Variants in ATXN10 observed in about 807,000 individuals in gnomAD.
ATXN10 encodes ataxin-10.
ATXN10 carries 28 observed loss-of-function variants against 52.9 expected under a neutral mutation model. That is an observed-to-expected ratio of 0.53 (90% CI 0.39 to 0.73). ATXN10 has a LOEUF of 0.73. Among genes scored for constraint, ATXN10 ranks in the 30% least tolerant of loss-of-function variants. ATXN10 has a pLI of 0.00. For synonymous variants in ATXN10, 226 were observed against 221.5 expected (o/e 1.02, Z -0.18); for missense variants, 565 against 577.0 (o/e 0.98, Z 0.21).
rs1218892726 is a variant in ATXN10 at position 45,795,490 on chromosome 22, A to C, written c.1174-11469A>C. On this transcript the variant is annotated intron_variant, in intron 9 of 11. Coordinates refer to ENST00000252934, the MANE Select transcript of ATXN10 (RefSeq NM_013236.4). The surrounding 1 kb of genome is among the most constrained non-coding windows in gnomAD (Gnocchi z 4.6). ...CAGTGGCGCGATCTCAGCTCACTGC[A>C]ACCTCTGCCTACCAGGTTCAAGCAA... Among the ~76,000 whole-genome samples, 1 of 151,876 alleles carries C rather than the reference A, an allele frequency of 6.6e-6. No individual in the cohort carries two copies.
intron 9 of ATXN10, among the ~76,000 whole-genome samples, chr22:45,796,459 C>T (rs1042322256): frequency 3.3e-5 from 5 of 152,172 alleles, no homozygotes; most frequent in African/African-American, 1.2e-4. Flanking sequence ...GTGACCCACA[C>T]CCTGTTTGTA....
chr22:45,725,155 T>C (rs371090574), intron 6 of ATXN10, among the ~76,000 whole-genome samples: 7 of 152,306 alleles, frequency 4.6e-5, no homozygotes, highest in African/African-American at 1.4e-4. Flanking sequence ...TTTGGTTCCA[T>C]ATGAATTTTA....
intron 6 of ATXN10, among the ~76,000 whole-genome samples, chr22:45,719,051 A>ATT (rs752511295): frequency 7.2e-6 from 1 of 138,678 alleles, no homozygotes. Context: ...GTGTGTGTGT[A>ATT]TTTTTTTTTT....
At chr22:45,749,952 A>G (rs1381105064) in intron 9 of ATXN10, among the ~76,000 whole-genome samples, 1 of 152,210 alleles carries the variant, frequency 6.6e-6, no homozygotes, top group African/African-American at 2.4e-5. Flanking sequence ...CCCATACTGT[A>G]GACACAGAAA....
chr22:45,714,911 G>A (rs1924388618), intron 5 of ATXN10, among the ~76,000 whole-genome samples: 1 of 152,090 alleles, frequency 6.6e-6, no homozygotes, highest in Admixed American at 6.6e-5. Flanking sequence ...TGTTTCTGAT[G>A]ATGCTGGTGG....
At chr22:45,735,812 C>CTTTTTTTTTTTTTTTTTTTTTTTTCTTTT (rs746222703) in intron 7 of ATXN10, among the ~76,000 whole-genome samples, 1 of 65,818 alleles carries the variant, frequency 1.5e-5, no homozygotes, top group East Asian at 5.7e-4. Flanking sequence ...ATTTGCTTGT[C>CTTTTTTTTTTTTTTTTTTTTTTTTCTTTT]TTTTTTTTTT....
chr22:45,697,692 C>CAT, intron 3 of ATXN10, among the ~76,000 whole-genome samples: 2 of 152,050 alleles, frequency 1.3e-5, no homozygotes, highest in Admixed American at 6.6e-5. Flanking sequence ...TGCAGTGGGG[C>CAT]GATCTCGGCT....
intron 1 of ATXN10, among the ~76,000 whole-genome samples, chr22:45,685,828 C>T (rs1204726611): frequency 2.0e-5 from 3 of 152,104 alleles, no homozygotes; most frequent in African/African-American, 7.2e-5. Context: ...TATTATATGA[C>T]TCTAGAGGAA....
intron 6 of ATXN10, among the ~76,000 whole-genome samples, chr22:45,719,686 C>G (rs1601605121): frequency 6.6e-6 from 1 of 152,156 alleles, no homozygotes; most frequent in South Asian, 2.1e-4. Context: ...TATTACATAA[C>G]TACATGGTGA....
In ATXN10 at chr22:45,696,652, C is replaced by G. The variant is rs1171889192; in HGVS notation, c.391+3574C>G. Reference sequence around the variant, plus strand: ...GCAAGTAATATGCCCTCCCATTTTTCATTTAAAAATATCTTCTTTTGACTC... The same window carrying G: ...GCAAGTAATATGCCCTCCCATTTTTGATTTAAAAATATCTTCTTTTGACTC... On this transcript the variant is annotated intron_variant, in intron 3 of 11. Transcript: ENST00000252934. The surrounding 1 kb of genome is among the most constrained non-coding windows in gnomAD (Gnocchi z 4.7). 6.6e-6 allele frequency among the ~76,000 whole-genome samples: 1 copy of G among 152,152 alleles called. No individual in the cohort carries two copies. Among genetic ancestry groups the G allele is most frequent in the African/African-American group, 2.4e-5 (1 of 41,450 alleles).
At chr22:45,711,478 A>G (rs1162637177) in intron 5 of ATXN10, among the ~76,000 whole-genome samples, 1 of 152,110 alleles carries the variant, frequency 6.6e-6, no homozygotes, top group African/African-American at 2.4e-5. Flanking sequence ...AGTTACAGAG[A>G]GCTAAAGACA....
In ATXN10 at chr22:45,825,605, G is replaced by A. The variant is rs964116859; in HGVS notation, c.1238-17386G>A. Among the ~76,000 whole-genome samples, 5 of 152,138 alleles carry A rather than the reference G, an allele frequency of 3.3e-5. No homozygotes were observed. The highest frequency in any genetic ancestry group is 1.2e-4 in the African/African-American group (5 of 41,424). Reference sequence around the variant, plus strand: ...TAGAGTTACCACATTATTAGAGTCAGATGTCCCATTTAAAAAACAATCATA... The same window carrying A: ...TAGAGTTACCACATTATTAGAGTCAAATGTCCCATTTAAAAAACAATCATA... On this transcript the variant is annotated intron_variant, in intron 10 of 11. Coordinates refer to ENST00000252934, the MANE Select transcript of ATXN10 (RefSeq NM_013236.4). The surrounding 1 kb of genome is among the most constrained non-coding windows in gnomAD (Gnocchi z 4.5).
At chr22:45,674,653 A>G (rs1374885134) in intron 1 of ATXN10, 2 of 152,340 alleles carry the variant, frequency 1.3e-5, no homozygotes, top group East Asian at 3.9e-4. Flanking sequence ...CAGGGGGAGG[A>G]TGGGCCAAGG....
chr22:45,730,162 G>A (rs535618007), intron 7 of ATXN10, among the ~76,000 whole-genome samples: 13 of 152,038 alleles, frequency 8.6e-5, no homozygotes, highest in African/African-American at 3.1e-4. Flanking sequence ...TGGGCAACAT[G>A]GTGAAACCCC....
intron 8 of ATXN10, 63 bp from the exon 9 acceptor site, chr22:45,740,306 A>G (rs1414238317): frequency 8.7e-6 from 13 of 1,487,406 alleles, no homozygotes; most frequent in African/African-American, 5.5e-5. Context: ...ATGGAAAACT[A>G]TTAGTACAAC....
rs1448613574 is a variant in ATXN10 at position 45,757,455 on chromosome 22, C to T, written c.1173+16917C>T. Among the ~76,000 whole-genome samples, 1 of 152,116 alleles carries T rather than the reference C, an allele frequency of 6.6e-6. No homozygotes were observed. Among genetic ancestry groups the T allele is most frequent in the Non-Finnish European group, 1.5e-5 (1 of 68,020 alleles). Reference sequence around the variant, plus strand: ...GAGCCCAGGCTGGGATTCAGGATTTCGCTGCTCCCCGTTCAAGGCCTCTGG... The same window carrying T: ...GAGCCCAGGCTGGGATTCAGGATTTTGCTGCTCCCCGTTCAAGGCCTCTGG... On this transcript the variant is annotated intron_variant, in intron 9 of 11. Transcript: ENST00000252934. The surrounding 1 kb of genome is among the most constrained non-coding windows in gnomAD (Gnocchi z 4.6).
In ATXN10 at chr22:45,712,201, T is replaced by C. The variant is rs994693307; in HGVS notation, c.648-6212T>C. The stretch of plus-strand genomic sequence containing the variant: ...CCCTGGGGGCACAGGCTGTCAGGTT[T>C]GGGCCCACTCTTGAAGGAAAAAGCT... On this transcript the variant is annotated intron_variant, in intron 5 of 11. Coordinates refer to ENST00000252934, the MANE Select transcript of ATXN10 (RefSeq NM_013236.4). The surrounding 1 kb of genome is among the most constrained non-coding windows in gnomAD (Gnocchi z 4.6). 1.3e-5 allele frequency among the ~76,000 whole-genome samples: 2 copies of C among 152,138 alleles called. No individual in the cohort carries two copies. The highest frequency in any genetic ancestry group is 4.8e-5 in the African/African-American group (2 of 41,432).
intron 9 of ATXN10, among the ~76,000 whole-genome samples, chr22:45,773,330 C>T (rs74792729): frequency 0.092 from 13,960 of 151,888 alleles, 827 homozygotes; most frequent in Middle Eastern, 0.16. Context: ...CTTTTATTGC[C>T]ATTTTATGTC....
chr22:45,835,230 T>C lies in ATXN10; in HGVS notation c.1238-7761T>C, dbSNP rs1033582681. Among the ~76,000 whole-genome samples, 6 of 152,154 alleles carry C rather than the reference T, an allele frequency of 3.9e-5. No homozygotes were observed. The highest frequency in any genetic ancestry group is 7.4e-5 in the Non-Finnish European group (5 of 68,026). On this transcript the variant is annotated intron_variant, in intron 10 of 11. Transcript: ENST00000252934. This position sits in a 1 kb window ranked among gnomAD's most constrained non-coding sequence, Gnocchi z 5.0. Reference sequence around the variant, plus strand: ...GCCAGATGGACGGGCTCATGGGTCCTGCTTTGCCTGGCGTGGGCTCATGGG... The same window carrying C: ...GCCAGATGGACGGGCTCATGGGTCCCGCTTTGCCTGGCGTGGGCTCATGGG...
Sources: gnomAD v4.1 joint callset for allele counts (sites outside exome capture counted in the v4.1 genomes callset) on GRCh38, gnomAD v4.1.1 for gene constraint, Gnocchi (gnomAD v3.1) non-coding constraint, MANE v1.5 for transcripts, NCBI Gene and HGNC (gene_info 2026-07-23, HGNC 2026-07-21) for gene names.